TMEM114: variants seen among roughly 807,000 people sequenced by gnomAD.
TMEM114 encodes claudin-26.
Under a neutral mutation model 6.2 loss-of-function variants are expected in TMEM114, and 6 were observed. The ratio of observed to expected loss-of-function variants is 0.97; its 90% CI spans 0.53 to 1.91. The LOEUF (loss-of-function observed/expected upper bound fraction) is 1.91, where lower values mean the gene tolerates loss of function less well. Among genes scored for constraint, TMEM114 ranks in the 40% most tolerant of loss-of-function variants. The pLI is 0.01. For synonymous variants in TMEM114, 104 were observed against 73.0 expected (o/e 1.42, Z -2.16); for missense variants, 218 against 158.3 (o/e 1.38, Z -2.02).
chr16:8,534,252 A>C, downstream of TMEM114, among the ~76,000 whole-genome samples: 1 of 152,218 alleles, frequency 6.6e-6, no homozygotes, highest in East Asian at 1.9e-4. Context: ...TAATCTGTGC[A>C]AATGTAATTC....
intron 2 of TMEM114, among the ~76,000 whole-genome samples, chr16:8,585,791 G>C (rs751681839): frequency 5.3e-5 from 8 of 152,114 alleles, no homozygotes. Context: ...TAAATACACT[G>C]TCCTGTTTTA....
At chr16:8,528,252 A>G in the TMEM114 span, among the ~76,000 whole-genome samples, 3 of 152,104 alleles carry the variant, frequency 2.0e-5, no homozygotes, top group African/African-American at 7.2e-5. Context: ...ATGCGCACAC[A>G]CACACACACA....
In TMEM114 at chr16:8,572,208, A is replaced by C. The variant is rs755828400; in HGVS notation, c.318T>G (p.Phe106Leu). 1,096 of 1,551,582 alleles carry C rather than the reference A, an allele frequency of 7.1e-4. No individual in the cohort carries two copies. Among genetic ancestry groups the C allele is most frequent in the Non-Finnish European group, 8.3e-4 (950 of 1,147,006 alleles). The change falls in exon 3 of 4, where the codon TTT becomes TTG. Residue 106 changes from phenylalanine (F) to leucine (L), a missense_variant. Physicochemically the swap from Phe to Leu is conservative, Grantham distance 22. Transcript: ENST00000620492. ...SRQLLTMHGT[F>L]VILLPLSLIL... ...TCAGGCTGAGCGGCAGCAGAATCAC[A>C]AATGTCCCATGCATGGCTTAGAAGA...
chr16:8,562,582 A>AGTGAGTG (rs1567202335), intron 2 of TMEM114, among the ~76,000 whole-genome samples: 4 of 24,392 alleles, frequency 1.6e-4, no homozygotes, highest in Non-Finnish European at 1.7e-4. Context: ...ATGAGTGAGG[A>AGTGAGTG]AATAAGTAAG....
intron 2 of TMEM114, among the ~76,000 whole-genome samples, chr16:8,577,995 A>G (rs1191406712): frequency 6.6e-6 from 1 of 152,156 alleles, no homozygotes; most frequent in East Asian, 1.9e-4. Context: ...ACCTCATCGA[A>G]CAAGGCCACT....
chr16:8,555,652 C>A (rs1160597565), intron 2 of TMEM114, among the ~76,000 whole-genome samples: 2 of 152,162 alleles, frequency 1.3e-5, no homozygotes, highest in Non-Finnish European at 2.9e-5. Flanking sequence ...CTATTGTTTT[C>A]ACGTCGATGA....
intron 2 of TMEM114, among the ~76,000 whole-genome samples, chr16:8,559,914 A>C (rs1447223094): frequency 6.6e-6 from 1 of 152,136 alleles, no homozygotes; most frequent in Non-Finnish European, 1.5e-5. Flanking sequence ...GCTGAATGGG[A>C]GGCAGAAGTG....
Position 8,572,218 on chromosome 16 carries a change from T to G in TMEM114, c.308A>C (p.His103Pro). Reference protein sequence around the residue: ...SESSRQLLTMHGTFVILLPLS... With the variant: ...SESSRQLLTMPGTFVILLPLS... ...CGGCAGCAGAATCACAAATGTCCCA[T>G]GCATGGCTTAGAAGAGACAGAGAGG... Residue 103 changes from histidine to proline, a missense_variant, in exon 3 of 4, where the codon CAT (histidine) becomes CCT (proline). Physicochemically the swap from His to Pro is moderately conservative, Grantham distance 77 (BLOSUM62 -2). Coordinates refer to ENST00000620492, the MANE Select transcript of TMEM114 (RefSeq NM_001146336.2). 1.3e-6 allele frequency: 2 copies of G among 1,551,672 alleles called. No homozygotes were observed. The highest frequency in any genetic ancestry group is 1.7e-6 in the Non-Finnish European group (2 of 1,146,984).
chr16:8,533,295 G>T (rs1032980433), downstream of TMEM114, among the ~76,000 whole-genome samples: 2 of 152,298 alleles, frequency 1.3e-5, no homozygotes, highest in Admixed American at 1.3e-4. Context: ...TTGAGACCTG[G>T]ATGACATGAA....
At chr16:8,584,959 A>T (rs950793664) in intron 2 of TMEM114, among the ~76,000 whole-genome samples, 3 of 151,700 alleles carry the variant, frequency 2.0e-5, no homozygotes, top group South Asian at 2.1e-4. Flanking sequence ...GAAGAAGAAA[A>T]GAAAAGAAAA....
chr16:8,545,316 G>T (rs1900630696), intron 2 of TMEM114, among the ~76,000 whole-genome samples: 2 of 152,116 alleles, frequency 1.3e-5, no homozygotes. Flanking sequence ...CATGCCTGCA[G>T]TCCCAGCTAC....
At chr16:8,583,113 G>C (rs1290357164) in intron 2 of TMEM114, among the ~76,000 whole-genome samples, 3 of 152,198 alleles carry the variant, frequency 2.0e-5, no homozygotes, top group East Asian at 1.9e-4. Context: ...CTCTTGGGCT[G>C]TTGTGAAGAT....
chr16:8,546,538 C>T (rs543228076), intron 2 of TMEM114, among the ~76,000 whole-genome samples: 34 of 152,252 alleles, frequency 2.2e-4, no homozygotes, highest in Non-Finnish European at 4.4e-4. Context: ...GTAGAAAGTC[C>T]GGCCACTATC....
intron 2 of TMEM114, among the ~76,000 whole-genome samples, chr16:8,564,249 GTGAGTGAATGAGTGAT>G (rs1901430307): frequency 1.3e-4 from 1 of 7,912 alleles, no homozygotes; most frequent in Admixed American, 1.2e-3. Context: ...GAATGAGTGA[GTGAGTGAATGAGTGAT>G]GAAATAAGTG....
chr16:8,540,502 C>A (rs1208689456), intron 2 of TMEM114, among the ~76,000 whole-genome samples: 1 of 152,198 alleles, frequency 6.6e-6, no homozygotes, highest in Non-Finnish European at 1.5e-5. Context: ...CTCCAAAAAT[C>A]TCAGCTATTA....
downstream of TMEM114, among the ~76,000 whole-genome samples, chr16:8,566,897 GTT>G (rs71150402): frequency 0.025 from 2,432 of 98,218 alleles, 46 homozygotes; most frequent in African/African-American, 0.08. Flanking sequence ...CATCACCCTG[GTT>G]TTTTTTTTTT....
chr16:8,557,350 G>T (rs1901047403), intron 2 of TMEM114, among the ~76,000 whole-genome samples: 1 of 152,058 alleles, frequency 6.6e-6, no homozygotes, highest in African/African-American at 2.4e-5. Context: ...ATATTGTCAG[G>T]AAGCCCAGTG....
rs374219413 is a variant in TMEM114, at chr16:8,563,834, TGAGGGAGG to T, written n.212+25371_212+25378del. Among the ~76,000 whole-genome samples, 120 of 116,986 alleles carry T rather than the reference TGAGGGAGG, an allele frequency of 1.0e-3. 2 individuals are homozygous for T. The highest frequency in any genetic ancestry group is 9.1e-4 in the Non-Finnish European group (50 of 55,186). 76.7% of individuals were successfully genotyped at this position (116,986 alleles called of 152,430 possible). ...GGGAATGAGTGAGTGAGTGAATGAG[TGAGGGAGG>T]GAGGGAGGGAGGGAGGGAATGAGTG... On this transcript the variant is annotated intron_variant and non_coding_transcript_variant, in intron 2 of 2. Coordinates refer to the TMEM114 transcript ENST00000623677.
At chr16:8,545,341 C>T (rs1181520440) in intron 2 of TMEM114, among the ~76,000 whole-genome samples, 1 of 152,146 alleles carries the variant, frequency 6.6e-6, no homozygotes, top group Non-Finnish European at 1.5e-5. Context: ...GAGGCTGAGG[C>T]AGGAGGATTG....
Sources: allele counts gnomAD v4.1 joint callset (sites outside exome capture counted in the v4.1 genomes callset), GRCh38; gene constraint gnomAD v4.1.1; transcripts MANE v1.5; gene names NCBI Gene and HGNC (gene_info 2026-07-23, HGNC 2026-07-21).